The following TBC1D5 variants were observed in gnomAD, a reference collection of about 807,000 sequenced individuals.
TBC1D5 encodes TBC1 domain family, member 5.
A neutral mutation model predicts 100.3 loss-of-function variants in TBC1D5; 75 were observed. That is an observed-to-expected ratio of 0.75 (90% CI 0.62 to 0.91). TBC1D5 has a LOEUF of 0.91. Among genes scored for constraint, TBC1D5 ranks in the 40% least tolerant of loss-of-function variants. TBC1D5 has a pLI of 0.00. For synonymous variants in TBC1D5, 323 were observed against 325.6 expected, an observed-to-expected ratio of 0.99 and a Z score of 0.09; for missense variants, 910 against 942.4, an observed-to-expected ratio of 0.97 and a Z score of 0.45.
intron 1 of TBC1D5, among the ~76,000 whole-genome samples, chr3:17,676,000 C>A (rs928671625): frequency 2.0e-5 from 3 of 151,910 alleles, no homozygotes; most frequent in Non-Finnish European, 2.9e-5. Context: ...TATCTTAATT[C>A]CTAATTAAAT....
At chr3:17,703,249 C>CAT (rs1307522075) in intron 1 of TBC1D5, among the ~76,000 whole-genome samples, 1 of 151,082 alleles carries the variant, frequency 6.6e-6, no homozygotes, top group Admixed American at 6.6e-5. Context: ...TACATTTGTA[C>CAT]ATATGTTTTT....
At chr3:17,465,331 A>T in intron 3 of TBC1D5, 1 of 183,208 alleles carries the variant, frequency 5.5e-6, no homozygotes. Context: ...CACTGATAGC[A>T]GGCTCAACAA....
At chr3:17,475,794 T>C (rs1161337984) in intron 3 of TBC1D5, among the ~76,000 whole-genome samples, 4 of 152,124 alleles carry the variant, frequency 2.6e-5, no homozygotes, top group Non-Finnish European at 4.4e-5. Flanking sequence ...AGTTTCCCTG[T>C]GTTCCTAGGG....
At chr3:17,291,355 A>G (rs1406314916) in intron 15 of TBC1D5, among the ~76,000 whole-genome samples, 1 of 152,276 alleles carries the variant, frequency 6.6e-6, no homozygotes, top group Non-Finnish European at 1.5e-5. Flanking sequence ...ACGCTCAAAT[A>G]GAGAAATCAG....
chr3:17,358,856 C>T (rs964362016), intron 13 of TBC1D5, among the ~76,000 whole-genome samples: 3 of 151,888 alleles, frequency 2.0e-5, no homozygotes, highest in Admixed American at 6.6e-5. Context: ...GGAGATGGTA[C>T]ACTGGTATAA....
chr3:17,190,924 A>G (rs2069798349), intron 18 of TBC1D5, among the ~76,000 whole-genome samples: 1 of 152,236 alleles, frequency 6.6e-6, no homozygotes, highest in Non-Finnish European at 1.5e-5. Context: ...TGGGAAGTAA[A>G]GGAAACGGAA....
intron 13 of TBC1D5, among the ~76,000 whole-genome samples, chr3:17,342,809 C>CT (rs2089219378): frequency 6.6e-6 from 1 of 152,078 alleles, no homozygotes; most frequent in Non-Finnish European, 1.5e-5. Context: ...ATATTATAAT[C>CT]TTTTTTCTAT....
intron 14 of TBC1D5, among the ~76,000 whole-genome samples, chr3:17,296,020 C>G (rs1475618797): frequency 1.3e-5 from 2 of 152,162 alleles, no homozygotes; most frequent in African/African-American, 4.8e-5. Context: ...AAGCCTCACA[C>G]ACCACTGTGT....
At position 17,708,075 on chromosome 3, in the gene TBC1D5, C is replaced by A. The variant is rs564744848; in HGVS notation, c.-101+31268G>T. On this transcript the variant is annotated intron_variant, in intron 1 of 21. Coordinates refer to ENST00000253692, the Ensembl canonical transcript of TBC1D5. ...AGTTGACGCCCACTGTTCACCACCC[C>A]CAGTGGCATTCCCCTTCTTTACCTC... 1.4e-4 allele frequency among the ~76,000 whole-genome samples: 21 copies of A among 152,298 alleles called. 1 individual carries two copies. In the South Asian group the frequency reaches 3.5e-3, roughly 26 times the overall value.
chr3:17,544,870 A>G (rs766417095), intron 2 of TBC1D5, among the ~76,000 whole-genome samples: 15 of 152,320 alleles, frequency 9.8e-5, no homozygotes, highest in Middle Eastern at 3.4e-3. Flanking sequence ...GTTTAGATAC[A>G]GTAAACTAAT....
chr3:17,486,707 C>T (rs574895497), intron 3 of TBC1D5, among the ~76,000 whole-genome samples: 13 of 152,310 alleles, frequency 8.5e-5, no homozygotes, highest in African/African-American at 2.6e-4. Context: ...ACTAACAGCA[C>T]ACTGTGGCAT....
chr3:17,256,998 T>G (rs2077764750), intron 16 of TBC1D5, among the ~76,000 whole-genome samples: 1 of 151,744 alleles, frequency 6.6e-6, no homozygotes, highest in South Asian at 2.1e-4. Context: ...GGCTGTAGCA[T>G]GAGAATGAAG....
intron 3 of TBC1D5, among the ~76,000 whole-genome samples, chr3:17,499,185 T>C (rs2095753197): frequency 1.3e-5 from 2 of 152,172 alleles, no homozygotes; most frequent in Non-Finnish European, 2.9e-5. Flanking sequence ...TTGCAGTATA[T>C]AGTTTTTTTA....
At chr3:17,328,913 A>G (rs2086533188) in intron 13 of TBC1D5, among the ~76,000 whole-genome samples, 1 of 152,228 alleles carries the variant, frequency 6.6e-6, no homozygotes, top group Non-Finnish European at 1.5e-5. Flanking sequence ...TAAATTGTTT[A>G]TAACATTATT....
chr3:17,366,622 A>G (rs1201845636), intron 13 of TBC1D5, among the ~76,000 whole-genome samples: 1 of 152,134 alleles, frequency 6.6e-6, no homozygotes, highest in East Asian at 1.9e-4. Context: ...AAAGAAAGGA[A>G]TATCTCAATT....
Position 17,342,465 on chromosome 3 carries a change from C to T in TBC1D5, c.995+29610G>A, listed in dbSNP as rs545098697. On this transcript the variant is annotated intron_variant, in intron 13 of 21. Coordinates refer to ENST00000253692, the Ensembl canonical transcript of TBC1D5. Reference sequence around the variant, plus strand: ...TTTCTTCTACACACCAAGATGAACTCCTTGAGCTGTATTTCTAGTTAGTAC... The same window carrying T: ...TTTCTTCTACACACCAAGATGAACTTCTTGAGCTGTATTTCTAGTTAGTAC... Among the ~76,000 whole-genome samples, 6 of 152,306 alleles carry T rather than the reference C, an allele frequency of 3.9e-5. No homozygotes were observed. The East Asian group carries it at 9.6e-4, about 24-fold the overall frequency.
intron 17 of TBC1D5, among the ~76,000 whole-genome samples, chr3:17,237,776 G>A (rs1000930068): frequency 1.3e-5 from 2 of 152,186 alleles, no homozygotes; most frequent in African/African-American, 4.8e-5. Context: ...ATGCACCAAC[G>A]AATGCTGTGA....
In TBC1D5 at chr3:17,484,753, G is replaced by C. The variant is rs141375378; in HGVS notation, c.97+23721C>G. Among the ~76,000 whole-genome samples the C allele has an allele frequency of 2.9e-3, 443 of 152,052 alleles. 9 individuals carry two copies. Among genetic ancestry groups the C allele is most frequent in the Non-Finnish European group, 9.4e-4 (64 of 67,968 alleles). On this transcript the variant is annotated intron_variant, in intron 3 of 21. Coordinates refer to ENST00000253692, the Ensembl canonical transcript of TBC1D5. ...CCTGCCTCAGCTTCCCAAAATAGTAGGATTACAGGCATGAGCCACTAGGCC... is the reference window on the plus strand; with the variant it reads ...CCTGCCTCAGCTTCCCAAAATAGTACGATTACAGGCATGAGCCACTAGGCC...
At chr3:17,200,085 T>C (rs2071271447) in intron 18 of TBC1D5, among the ~76,000 whole-genome samples, 1 of 152,174 alleles carries the variant, frequency 6.6e-6, no homozygotes, top group Non-Finnish European at 1.5e-5. Context: ...TTTCTTATTC[T>C]TTTCTCTCTT....
Sources: gnomAD v4.1 joint callset for allele counts (sites outside exome capture counted in the v4.1 genomes callset) on GRCh38, gnomAD v4.1.1 for gene constraint, MANE v1.5 for transcripts, NCBI Gene and HGNC (gene_info 2026-07-23, HGNC 2026-07-21) for gene names.